CKAP2L: variants seen among roughly 807,000 people sequenced by gnomAD.
The protein encoded by CKAP2L is cytoskeleton associated protein 2L, also known as cytoskeleton-associated protein 2-like.
A neutral mutation model predicts 65.7 loss-of-function variants in CKAP2L; 42 were observed. The ratio of observed to expected loss-of-function variants is 0.64; its 90% CI spans 0.50 to 0.83. The LOEUF (loss-of-function observed/expected upper bound fraction) is 0.83, where lower values mean the gene tolerates loss of function less well. CKAP2L is among the 40% of genes least tolerant of loss of function. The pLI, the probability that CKAP2L is intolerant of heterozygous loss-of-function variation, is 0.00. For missense variants in CKAP2L, 908 were observed against 871.0 expected (o/e 1.04, Z -0.53); for synonymous variants, 325 against 313.5 (o/e 1.04, Z -0.39).
At chr2:112,761,691 T>C (rs896470739) in intron 2 of CKAP2L, among the ~76,000 whole-genome samples, 2 of 152,166 alleles carry the variant, frequency 1.3e-5, no homozygotes, top group Admixed American at 6.5e-5. Context: ...AGGACTTTGA[T>C]TATGACTTGT....
At chr2:112,749,313 T>A (rs1680297870) in intron 5 of CKAP2L, among the ~76,000 whole-genome samples, 1 of 152,212 alleles carries the variant, frequency 6.6e-6, no homozygotes, top group African/African-American at 2.4e-5. Context: ...AAGTCATGAA[T>A]CTTTCTGTAC....
intron 3 of CKAP2L, among the ~76,000 whole-genome samples, chr2:112,757,600 G>T (rs1680585981): frequency 1.3e-5 from 2 of 152,158 alleles, no homozygotes; most frequent in South Asian, 4.2e-4. Context: ...ATATTGGCCA[G>T]GTTGGTCTTG....
rs914486450 is a variant in CKAP2L at position 112,751,387 on chromosome 2, T to C, written c.1602+880A>G. Among the ~76,000 whole-genome samples the C allele has an allele frequency of 2.6e-5, 4 of 152,318 alleles. No homozygotes were observed. In the East Asian group the frequency reaches 5.8e-4, roughly 22 times the overall value. On this transcript the variant is annotated intron_variant, in intron 5 of 8. Transcript: ENST00000302450. ...CATGCATGAAAACAGAATGAATGAC[T>C]GGCAATGGTGGTCACCTCCAGAGAG...
chr2:112,746,382 G>T (rs765418213), intron 6 of CKAP2L, 38 bp downstream of exon 6: 2 of 1,534,076 alleles, frequency 1.3e-6, no homozygotes, highest in Admixed American at 3.8e-5. Context: ...ACATGAAAGA[G>T]AATTTTAAGA....
In CKAP2L at chr2:112,756,140, A is replaced by G; in HGVS notation, c.1231T>C (p.Phe411Leu). ...TSGNKHNNNG[F>L]QQKAQTLDSK... The stretch of plus-strand genomic sequence containing the variant: ...TCCAAAGTCTGTGCTTTTTGCTGAA[A>G]GCCATTATTGTTATGTTTATTACCA... The change falls in exon 4 of 9, where the codon TTT becomes CTT. Residue 411 changes from phenylalanine to leucine, a missense_variant. Phe to Leu is a conservative substitution (Grantham distance 22). Transcript: ENST00000302450. The G allele has an allele frequency of 1.9e-6, 3 of 1,614,150 alleles. No homozygotes were observed. Among genetic ancestry groups the G allele is most frequent in the Non-Finnish European group, 2.5e-6 (3 of 1,180,020 alleles).
intron 8 of CKAP2L, among the ~76,000 whole-genome samples, chr2:112,739,413 C>T (rs1466423188): frequency 6.6e-6 from 1 of 152,004 alleles, no homozygotes; most frequent in Non-Finnish European, 1.5e-5. Context: ...ATGGCAAGAC[C>T]CCAGTCTCAA....
chr2:112,752,501 TTTTA>T (rs1472633294), intron 4 of CKAP2L, 27 bp from the exon 5 acceptor site: 4 of 1,387,730 alleles, frequency 2.9e-6, no homozygotes, highest in Non-Finnish European at 4.0e-6. Flanking sequence ...GGGAGAGTGG[TTTTA>T]TTTATTTTTA....
Position 112,740,991 on chromosome 2 carries a change from A to G in CKAP2L, c.1839T>C (p.Ser613=), listed in dbSNP as rs766132076. The change falls in exon 8 of 9, where the codon TCT becomes TCC. Residue 613 remains serine (S), a synonymous_variant. Transcript: ENST00000302450. ...ATGTTATACTAGTTTCAGCAACTAA[A>G]GAGTCAGAAGTAATCCCTGTGTATG... ...NRTTEGITSD[S]LVAETSITSV... The G allele has an allele frequency of 1.6e-5, 25 of 1,610,774 alleles. No homozygotes were observed. The African/African-American group carries it at 1.9e-4, about 12-fold the overall frequency.
chr2:112,747,065 AG>A (rs1680225466), intron 5 of CKAP2L, among the ~76,000 whole-genome samples: 1 of 150,540 alleles, frequency 6.6e-6, no homozygotes, highest in Non-Finnish European at 1.5e-5. Context: ...CTGGGATTAC[AG>A]GCATGAGCCA....
In CKAP2L at chr2:112,741,000, A is replaced by C; in HGVS notation, c.1830T>G (p.Thr610=). 2.5e-6 allele frequency: 4 copies of C among 1,607,798 alleles called. No homozygotes were observed. The highest frequency in any genetic ancestry group is 3.4e-6 in the Non-Finnish European group (4 of 1,174,698). ...TAGTTTCAGCAACTAAAGAGTCAGA[A>C]GTAATCCCTGTGTATGTAAGATCAT... ...QDSNRTTEGI[T]SDSLVAETSI... The change falls in exon 8 of 9, where the codon ACT becomes ACG. Residue 610 remains threonine, a synonymous_variant. Coordinates refer to ENST00000302450, the MANE Select transcript of CKAP2L (RefSeq NM_152515.5).
At chr2:112,742,871 C>T (rs1163552731) in intron 6 of CKAP2L, 102 bp from the exon 7 acceptor site, 2 of 723,930 alleles carry the variant, frequency 2.8e-6, no homozygotes, top group Non-Finnish European at 4.6e-6. Context: ...TAAAAGTTTC[C>T]TTTTAAAATC....
chr2:112,757,426 G>C (rs575836773), intron 3 of CKAP2L, among the ~76,000 whole-genome samples: 48 of 113,712 alleles, frequency 4.2e-4, no homozygotes, highest in African/African-American at 1.7e-3. Flanking sequence ...ATCTTGCTCT[G>C]TCACCCAGTC....
chr2:112,748,914 T>C (rs1680286138), intron 5 of CKAP2L, among the ~76,000 whole-genome samples: 1 of 151,548 alleles, frequency 6.6e-6, no homozygotes, highest in Non-Finnish European at 1.5e-5. Context: ...GAATATGATA[T>C]ATATTCTGCA....
rs142651922 is a variant in CKAP2L at position 112,740,952 on chromosome 2, C to T, written c.1878G>A (p.Leu626=). 2.0e-5 allele frequency: 32 copies of T among 1,613,802 alleles called. No homozygotes were observed. The African/African-American group carries it at 3.5e-4, about 17-fold the overall frequency. ...AETSITSVEE[L]AKKMESVKSC... is the part of the protein sequence containing the mutation. ...ACTTCACAGATTCCATCTTCTTGGCCAGCTCTTCCACTGATGTTATACTAG... is the reference window on the plus strand; with the variant it reads ...ACTTCACAGATTCCATCTTCTTGGCTAGCTCTTCCACTGATGTTATACTAG... The change falls in exon 8 of 9, where the codon CTG becomes CTA. Residue 626 remains leucine (L), a synonymous_variant. Transcript: ENST00000302450.
chr2:112,762,462 A>ATTT, intron 2 of CKAP2L, 41 bp downstream of exon 2: 2 of 1,505,884 alleles, frequency 1.3e-6, no homozygotes, highest in Non-Finnish European at 1.8e-6. Flanking sequence ...TAGTACAAAG[A>ATTT]AGGCAACAAA....
In CKAP2L at chr2:112,740,919, A is replaced by G; in HGVS notation, c.1911T>C (p.Leu637=). The G allele has an allele frequency of 6.2e-7, 1 of 1,614,068 alleles. No homozygotes were observed. Among genetic ancestry groups the G allele is most frequent in the East Asian group, 2.2e-5 (1 of 44,876 alleles). The change falls in exon 8 of 9, where the codon CTT becomes CTC. Residue 637 remains leucine, a synonymous_variant. Coordinates refer to ENST00000302450, the MANE Select transcript of CKAP2L (RefSeq NM_152515.5). The part of the protein sequence containing the change: ...AKKMESVKSC[L]SPKEREQVTA... ...TGACTTGTTCCCTCTCTTTTGGAGA[A>G]AGACAAGACTTCACAGATTCCATCT... is the stretch of plus-strand genomic sequence containing the variant.
At chr2:112,739,431 G>T (rs572313173) in intron 8 of CKAP2L, among the ~76,000 whole-genome samples, 1 of 152,254 alleles carries the variant, frequency 6.6e-6, no homozygotes, top group African/African-American at 2.4e-5. Context: ...CAAAAAAAAG[G>T]CTTTTCCCTG....
chr2:112,752,137 C>T (rs1189111733), intron 5 of CKAP2L, 130 bp downstream of exon 5: 5 of 654,976 alleles, frequency 7.6e-6, no homozygotes, highest in Non-Finnish European at 1.3e-5. Context: ...ATTATTATTA[C>T]TCTGTATTTA....
chr2:112,762,749 T>C (rs147994389), intron 1 of CKAP2L, among the ~76,000 whole-genome samples, 180 bp from the exon 2 acceptor site: 11 of 152,218 alleles, frequency 7.2e-5, no homozygotes, highest in Middle Eastern at 3.4e-3. Context: ...ATATCATTTA[T>C]ATGCCAGGCC....
Sources: gnomAD v4.1 joint callset for allele counts (sites outside exome capture counted in the v4.1 genomes callset) on GRCh38, gnomAD v4.1.1 for gene constraint, MANE v1.5 for transcripts, NCBI Gene and HGNC (gene_info 2026-07-23, HGNC 2026-07-21) for gene names.